Variants in NEO1 observed in about 807,000 individuals in gnomAD.
NEO1 encodes neogenin.
A neutral mutation model predicts 159.7 loss-of-function variants in NEO1; 63 were observed. The ratio of observed to expected loss-of-function variants is 0.39; its 90% CI spans 0.32 to 0.49. NEO1 has a LOEUF of 0.49. NEO1 is among the 20% of genes least tolerant of loss of function. The pLI is 0.85. For missense variants in NEO1, 1,615 were observed against 1,831.0 expected (o/e 0.88, Z 2.15); for synonymous variants, 633 against 662.0 (o/e 0.96, Z 0.67).
intron 23 of NEO1, among the ~76,000 whole-genome samples, chr15:73,285,811 C>T (rs1269978114): frequency 6.6e-6 from 1 of 152,174 alleles, no homozygotes; most frequent in Non-Finnish European, 1.5e-5. Flanking sequence ...AACCTCAGCA[C>T]ACCACCATCA....
intron 7 of NEO1, among the ~76,000 whole-genome samples, chr15:73,181,182 A>G (rs929028089): frequency 6.6e-6 from 1 of 152,214 alleles, no homozygotes; most frequent in African/African-American, 2.4e-5. Flanking sequence ...AATAAAATAG[A>G]AGACCTGTTC....
chr15:73,196,753 C>G (rs1392162436), intron 7 of NEO1, among the ~76,000 whole-genome samples: 1 of 152,204 alleles, frequency 6.6e-6, no homozygotes, highest in Non-Finnish European at 1.5e-5. Flanking sequence ...AGACTGCTGG[C>G]AAATCCTATT....
At chr15:73,156,049 T>C (rs528494651) in intron 5 of NEO1, among the ~76,000 whole-genome samples, 118 of 152,246 alleles carry the variant, frequency 7.8e-4, no homozygotes, top group Non-Finnish European at 1.5e-3. Flanking sequence ...ATCTTTACAT[T>C]GGTTTCTGTG....
chr15:73,160,301 T>C lies in NEO1; in HGVS notation c.1016-16102T>C, dbSNP rs185472126. Among the ~76,000 whole-genome samples the C allele has an allele frequency of 1.6e-3, 244 of 152,334 alleles. 1 individual carries two copies. The highest frequency in any genetic ancestry group is 4.8e-3 in the African/African-American group (201 of 41,570). On this transcript the variant is annotated intron_variant, in intron 5 of 28. Transcript: ENST00000261908. ...TATTTCCCCACACACCAAGCAGTAC[T>C]TCAGTGGACACCTGCTGTATGTCCT...
intron 27 of NEO1, 25 bp downstream of exon 27, chr15:73,298,636 G>C (rs2042472935): frequency 1.9e-6 from 3 of 1,613,424 alleles, no homozygotes; most frequent in Admixed American, 1.7e-5. Flanking sequence ...CAGCACACCT[G>C]GAGGGAGCAC....
chr15:73,257,197 T>TTG (rs1296855015), intron 13 of NEO1, among the ~76,000 whole-genome samples: 3 of 150,606 alleles, frequency 2.0e-5, no homozygotes, highest in African/African-American at 7.4e-5. Flanking sequence ...CATTTGCCAT[T>TTG]TGTAAGGCTT....
At chr15:73,128,728 A>G (rs960753909) in intron 4 of NEO1, among the ~76,000 whole-genome samples, 3 of 152,226 alleles carry the variant, frequency 2.0e-5, no homozygotes, top group Non-Finnish European at 2.9e-5. Context: ...ATTTTATACA[A>G]CGTGTTAGAT....
At chr15:73,228,357 CTA>C (rs1439311875) in intron 7 of NEO1, among the ~76,000 whole-genome samples, 1 of 149,282 alleles carries the variant, frequency 6.7e-6, no homozygotes, top group African/African-American at 2.5e-5. Flanking sequence ...TGTGCTTATT[CTA>C]TGTTTTCTTT....
At chr15:73,231,084 A>G (rs1041067014) in intron 7 of NEO1, among the ~76,000 whole-genome samples, 2 of 152,178 alleles carry the variant, frequency 1.3e-5, no homozygotes, top group Non-Finnish European at 2.9e-5. Flanking sequence ...TCAAAGAAGA[A>G]ATAACATAAT....
At chr15:73,300,503 G>A (rs1330411179) in intron 27 of NEO1, among the ~76,000 whole-genome samples, 5 of 152,212 alleles carry the variant, frequency 3.3e-5, no homozygotes, top group Admixed American at 6.5e-5. Context: ...GCCGAGGCGG[G>A]TAGATCACCT....
At chr15:73,295,795 T>C (rs1009331469) in intron 26 of NEO1, among the ~76,000 whole-genome samples, 1 of 152,168 alleles carries the variant, frequency 6.6e-6, no homozygotes, top group African/African-American at 2.4e-5. Context: ...GCAGGGCCAG[T>C]CTCTGCTCTA....
In NEO1 at chr15:73,300,837, G is replaced by A. The variant is rs145395022; in HGVS notation, c.4166-484G>A. On this transcript the variant is annotated intron_variant, in intron 27 of 28. Coordinates refer to ENST00000261908, the MANE Select transcript of NEO1 (RefSeq NM_002499.4). ...CAAGATTTAGTAAAATAAAAAATATGTATTCCTTTATTAAGGATGGTTCTT... is the reference window on the plus strand; with the variant it reads ...CAAGATTTAGTAAAATAAAAAATATATATTCCTTTATTAAGGATGGTTCTT... Among the ~76,000 whole-genome samples, 139 of 152,340 alleles carry A rather than the reference G, an allele frequency of 9.1e-4. 1 individual carries two copies. Among genetic ancestry groups the A allele is most frequent in the African/African-American group, 3.1e-3 (129 of 41,582 alleles).
chr15:73,187,281 C>T (rs1219743584), intron 7 of NEO1, among the ~76,000 whole-genome samples: 3 of 152,228 alleles, frequency 2.0e-5, no homozygotes, highest in Admixed American at 6.5e-5. Flanking sequence ...CTCCCTTTAA[C>T]AGTTCCTTTT....
In NEO1 at chr15:73,254,754, T is replaced by C; in HGVS notation, c.2017T>C (p.Tyr673His). ...GCAGATTACTGGCTACAAGATTCGCTACCGAAAGGCCTCCCGAAAGAGTGA... is the reference window on the plus strand; with the variant it reads ...GCAGATTACTGGCTACAAGATTCGCCACCGAAAGGCCTCCCGAAAGAGTGA... The part of the protein sequence containing the change: ...NGQITGYKIR[Y>H]RKASRKSDVT... The change falls in exon 13 of 29, where the codon TAC becomes CAC. Residue 673 changes from tyrosine (Y) to histidine (H), a missense_variant. By Grantham distance (83) the Tyr-to-His change is moderately conservative. This residue lies in a region of NEO1 where 1,018 missense variants were observed against 1,115.4 expected (regional missense o/e 0.91). Coordinates refer to ENST00000261908, the MANE Select transcript of NEO1 (RefSeq NM_002499.4). The C allele has an allele frequency of 6.2e-7, 1 of 1,614,136 alleles. No individual in the cohort carries two copies. Among genetic ancestry groups the C allele is most frequent in the South Asian group, 1.1e-5 (1 of 91,082 alleles).
At chr15:73,121,015 A>T (rs2071616658) in intron 2 of NEO1, among the ~76,000 whole-genome samples, 2 of 151,724 alleles carry the variant, frequency 1.3e-5, no homozygotes, top group Admixed American at 6.6e-5. Context: ...GTAAGAGTAA[A>T]TTGCAGACAG....
intron 1 of NEO1, among the ~76,000 whole-genome samples, chr15:73,109,644 T>C (rs1367471793): frequency 1.3e-5 from 2 of 152,058 alleles, no homozygotes; most frequent in African/African-American, 4.8e-5. Context: ...CATTACCCTA[T>C]AGAAATTGAA....
intron 3 of NEO1, among the ~76,000 whole-genome samples, chr15:73,124,553 A>G (rs1269745803): frequency 2.0e-5 from 3 of 152,154 alleles, no homozygotes; most frequent in Admixed American, 6.5e-5. Context: ...TTATGTTTCT[A>G]GAACAATCCA....
intron 7 of NEO1, among the ~76,000 whole-genome samples, chr15:73,190,067 T>G (rs553795316): frequency 1.3e-5 from 2 of 152,272 alleles, no homozygotes; most frequent in African/African-American, 4.8e-5. Context: ...AATCCTTTGT[T>G]TTTTATAATT....
chr15:73,122,418 C>G, intron 2 of NEO1, 107 bp from the exon 3 acceptor site: 2 of 996,616 alleles, frequency 2.0e-6, no homozygotes, highest in Non-Finnish European at 2.9e-6. Context: ...AACCCTGGTT[C>G]TGCCATATGT....
Sources: allele counts gnomAD v4.1 joint callset (sites outside exome capture counted in the v4.1 genomes callset), GRCh38; gene constraint gnomAD v4.1.1; regional missense constraint gnomAD v4.1.1; transcripts MANE v1.5; gene names NCBI Gene and HGNC (gene_info 2026-07-23, HGNC 2026-07-21).